MCPH1: variants seen among roughly 807,000 people sequenced by gnomAD.
MCPH1 encodes the protein microcephalin.
MCPH1 carries 104 observed loss-of-function variants against 84.5 expected under a neutral mutation model. The observed-to-expected ratio is 1.23, with a 90% CI of 1.05 to 1.45. MCPH1 has a LOEUF of 1.45. MCPH1 is among the 40% of genes most tolerant of loss of function. MCPH1 has a pLI of 0.00. For missense variants in MCPH1, 1,498 were observed against 1,005.7 expected, an observed-to-expected ratio of 1.49 and a Z score of -6.62; for synonymous variants, 514 against 366.8, an observed-to-expected ratio of 1.40 and a Z score of -4.58.
intron 12 of MCPH1, among the ~76,000 whole-genome samples, chr8:6,600,449 A>T (rs1262545712): frequency 6.6e-6 from 1 of 152,202 alleles, no homozygotes; most frequent in African/African-American, 2.4e-5. Context: ...TCCTTCAGAT[A>T]CATTTACCAT....
chr8:6,514,024 C>A (rs2442628), intron 12 of MCPH1, among the ~76,000 whole-genome samples: 4 of 152,046 alleles, frequency 2.6e-5, no homozygotes, highest in African/African-American at 9.7e-5. Flanking sequence ...AGTTATTAGA[C>A]ACTAAGCTGC....
At chr8:6,407,125 C>G (rs1484131379) in intron 1 of MCPH1, 1 of 265,930 alleles carries the variant, frequency 3.8e-6, no homozygotes, top group East Asian at 1.2e-4. Context: ...CTGGGGCTCA[C>G]TGGCAGGCAG....
At chr8:6,604,662 G>A (rs1481455256) in intron 12 of MCPH1, among the ~76,000 whole-genome samples, 4 of 152,180 alleles carry the variant, frequency 2.6e-5, no homozygotes, top group Non-Finnish European at 4.4e-5. Context: ...GTGCCACCAC[G>A]CCTGGCTAGT....
chr8:6,564,343 A>T (rs939005339), intron 12 of MCPH1, among the ~76,000 whole-genome samples: 1 of 152,146 alleles, frequency 6.6e-6, no homozygotes, highest in African/African-American at 2.4e-5. Context: ...TATCAATTAC[A>T]TTAGTCCCCC....
chr8:6,584,818 T>G (rs1187720639), intron 12 of MCPH1, among the ~76,000 whole-genome samples: 1 of 152,240 alleles, frequency 6.6e-6, no homozygotes, highest in Non-Finnish European at 1.5e-5. Flanking sequence ...GTAGTTCTTT[T>G]GCCAAACAGG....
chr8:6,409,495 G>C (rs930417733), intron 2 of MCPH1, 125 bp downstream of exon 2: 1 of 745,322 alleles, frequency 1.3e-6, no homozygotes, highest in African/African-American at 1.8e-5. Context: ...TAAGCGGTGG[G>C]AGAAAAAAGA....
chr8:6,601,127 C>A (rs1829326536), intron 12 of MCPH1, among the ~76,000 whole-genome samples: 1 of 152,124 alleles, frequency 6.6e-6, no homozygotes, highest in Non-Finnish European at 1.5e-5. Flanking sequence ...CCTGCAGCCA[C>A]CACCTGGAGA....
chr8:6,421,043 C>T (rs79957352), intron 3 of MCPH1, among the ~76,000 whole-genome samples: 5,260 of 152,258 alleles, frequency 0.035, 253 homozygotes, highest in African/African-American at 0.11. Context: ...CGCCCTTTTC[C>T]GCAGTTCTTC....
chr8:6,509,900 C>T (rs1340749384), intron 12 of MCPH1, among the ~76,000 whole-genome samples: 1 of 152,198 alleles, frequency 6.6e-6, no homozygotes, highest in African/African-American at 2.4e-5. Context: ...TGACTGGGAC[C>T]TGTGGCTCGC....
chr8:6,556,328 C>T (rs1014889485), intron 12 of MCPH1, among the ~76,000 whole-genome samples: 2 of 152,082 alleles, frequency 1.3e-5, no homozygotes, highest in Admixed American at 6.6e-5. Context: ...TGTATATTCT[C>T]CATTTTTTGC....
At chr8:6,433,664 G>C (rs1054867973) in intron 4 of MCPH1, among the ~76,000 whole-genome samples, 2 of 139,704 alleles carry the variant, frequency 1.4e-5, no homozygotes, top group Non-Finnish European at 3.1e-5. Flanking sequence ...AACCTATTTC[G>C]TGATACTCTG....
chr8:6,421,174 T>C (rs373191043), intron 3 of MCPH1, among the ~76,000 whole-genome samples: 3 of 152,218 alleles, frequency 2.0e-5, no homozygotes, highest in East Asian at 1.9e-4. Flanking sequence ...TGTCTCTTAA[T>C]GTGCATGCCC....
chr8:6,623,680 C>CCAA (rs1174338214), intron 13 of MCPH1, among the ~76,000 whole-genome samples: 2 of 99,140 alleles, frequency 2.0e-5, no homozygotes, highest in African/African-American at 8.6e-5. Context: ...TGCCTGGAAA[C>CCAA]CAACTTCCAA....
At chr8:6,552,374 A>G (rs1161813307) in intron 12 of MCPH1, among the ~76,000 whole-genome samples, 2 of 152,242 alleles carry the variant, frequency 1.3e-5, no homozygotes, top group African/African-American at 2.4e-5. Flanking sequence ...AGAGGCACTC[A>G]TGCAATATGC....
At chr8:6,468,082 C>T (rs1407068662) in intron 9 of MCPH1, among the ~76,000 whole-genome samples, 1 of 152,198 alleles carries the variant, frequency 6.6e-6, no homozygotes, top group African/African-American at 2.4e-5. Flanking sequence ...TACACCTTAG[C>T]TTAAGCAATT....
intron 12 of MCPH1, chr8:6,527,782 C>G: frequency 9.4e-7 from 1 of 1,061,814 alleles, no homozygotes; most frequent in South Asian, 1.7e-5. Flanking sequence ...ATAACAAAAA[C>G]ATTATTTATT....
chr8:6,612,373 C>T (rs2959807), intron 12 of MCPH1, among the ~76,000 whole-genome samples: 103,476 of 152,032 alleles, frequency 0.68, 37,367 homozygotes, highest in Non-Finnish European at 0.82. Context: ...CTCTTCTGCC[C>T]CAGCTGGAGA....
intron 12 of MCPH1, among the ~76,000 whole-genome samples, chr8:6,578,149 G>A (rs906162751): frequency 6.6e-6 from 1 of 152,218 alleles, no homozygotes; most frequent in African/African-American, 2.4e-5. Flanking sequence ...GTCCCGATGG[G>A]CATTTGGACA....
At chr8:6,421,035 C>G (rs948707115) in intron 3 of MCPH1, among the ~76,000 whole-genome samples, 1 of 152,194 alleles carries the variant, frequency 6.6e-6, no homozygotes, top group African/African-American at 2.4e-5. Context: ...TGTAGGCTCG[C>G]CCTTTTCCGC....
Sources: allele counts gnomAD v4.1 joint callset (sites outside exome capture counted in the v4.1 genomes callset), GRCh38; gene constraint gnomAD v4.1.1; transcripts MANE v1.5; gene names NCBI Gene and HGNC (gene_info 2026-07-23, HGNC 2026-07-21).